Variants in MTMR2 observed in about 807,000 individuals in gnomAD.
The protein encoded by MTMR2 is myotubularin related protein 2.
A neutral mutation model predicts 86.9 loss-of-function variants in MTMR2; 55 were observed. That is an observed-to-expected ratio of 0.63 (90% CI 0.51 to 0.79). MTMR2 has a LOEUF of 0.79. Ranked by LOEUF, MTMR2 falls within the 30% of genes least tolerant of loss-of-function variation. The pLI is 0.00. For synonymous variants in MTMR2, 241 were observed against 266.8 expected (o/e 0.90, Z 0.94); for missense variants, 659 against 772.3 (o/e 0.85, Z 1.74).
chr11:95,877,331 CCTTTTTTTTTTTTTTTTTT>C (rs1865156996), intron 2 of MTMR2, among the ~76,000 whole-genome samples: 1 of 94,740 alleles, frequency 1.1e-5, no homozygotes, highest in Non-Finnish European at 2.0e-5. Context: ...ACAGGGAAGC[CCTTTTTTTTTTTTTTTTTT>C]TTTTTTTTTT....
chr11:95,915,618 A>T (rs1225798469), intron 1 of MTMR2, among the ~76,000 whole-genome samples: 1 of 152,214 alleles, frequency 6.6e-6, no homozygotes, highest in African/African-American at 2.4e-5. Flanking sequence ...AAGCATTCAT[A>T]AATTAAAATG....
chr11:95,917,827 T>A (rs1242824409), intron 1 of MTMR2, among the ~76,000 whole-genome samples: 1 of 152,116 alleles, frequency 6.6e-6, no homozygotes, highest in East Asian at 1.9e-4. Flanking sequence ...GTGTCAGGGG[T>A]GGCAGAAGCA....
At chr11:95,887,267 G>A (rs192376013) in intron 2 of MTMR2, among the ~76,000 whole-genome samples, 81 of 150,530 alleles carry the variant, frequency 5.4e-4, no homozygotes, top group African/African-American at 1.9e-3. Context: ...GCAGCCACAT[G>A]TTTGGAATAA....
At chr11:95,874,149 T>C (rs1414655493) in intron 2 of MTMR2, among the ~76,000 whole-genome samples, 1 of 152,188 alleles carries the variant, frequency 6.6e-6, no homozygotes, top group Non-Finnish European at 1.5e-5. Flanking sequence ...CTGGATATCC[T>C]TGTTAACTTT....
rs1341715590 is a variant in MTMR2, at chr11:95,844,950, TACTA to T, written c.1385_1386+2del. 1 of 1,609,134 alleles carries T rather than the reference TACTA, an allele frequency of 6.2e-7. No homozygotes were observed. The highest frequency in any genetic ancestry group is 1.3e-5 in the African/African-American group (1 of 74,896). Reference sequence around the variant, plus strand: ...ATATCCAAAGTCAAGGTTCCTTACTTACTAGTTGAAATCGATGTCCAAAACTTAG... The same window carrying T: ...ATATCCAAAGTCAAGGTTCCTTACTTGTTGAAATCGATGTCCAAAACTTAG... On this transcript the variant is annotated splice_donor_variant and coding_sequence_variant, in exon 11 of 15. Coordinates refer to ENST00000346299, the MANE Select transcript of MTMR2 (RefSeq NM_016156.6). LOFTEE classifies it high-confidence loss of function.
chr11:95,848,091 T>C (rs1863871918), intron 9 of MTMR2, among the ~76,000 whole-genome samples, 192 bp from the exon 10 acceptor site: 1 of 152,184 alleles, frequency 6.6e-6, no homozygotes, highest in Non-Finnish European at 1.5e-5. Context: ...CTTTACAAAA[T>C]GAATATATAC....
intron 1 of MTMR2, among the ~76,000 whole-genome samples, chr11:95,909,230 A>G (rs533878796): frequency 1.3e-5 from 2 of 151,996 alleles, no homozygotes; most frequent in African/African-American, 4.8e-5. Flanking sequence ...TGGGGGGGGA[A>G]AATTACTCTC....
At chr11:95,852,610 G>A (rs561386384) in intron 7 of MTMR2, among the ~76,000 whole-genome samples, 12 of 152,120 alleles carry the variant, frequency 7.9e-5, no homozygotes, top group African/African-American at 1.9e-4. Flanking sequence ...TCCTGATTTC[G>A]TTGACTTCAG....
chr11:95,912,103 T>TC (rs397972838), intron 1 of MTMR2, among the ~76,000 whole-genome samples: 6 of 131,956 alleles, frequency 4.5e-5, no homozygotes. Context: ...TTTTTTTTTT[T>TC]CAGTTACTAA....
At chr11:95,891,343 C>T (rs1379939139) in intron 1 of MTMR2, among the ~76,000 whole-genome samples, 2 of 151,588 alleles carry the variant, frequency 1.3e-5, no homozygotes, top group South Asian at 2.1e-4. Context: ...CCCAGCTACT[C>T]GGGAGGCTGA....
At chr11:95,878,716 A>G (rs1865214573) in intron 2 of MTMR2, among the ~76,000 whole-genome samples, 1 of 152,058 alleles carries the variant, frequency 6.6e-6, no homozygotes. Context: ...TTCTCCATCC[A>G]TAAGGACGAG....
At chr11:95,843,381 G>C (rs959949378) in intron 11 of MTMR2, among the ~76,000 whole-genome samples, 1 of 151,986 alleles carries the variant, frequency 6.6e-6, no homozygotes, top group Non-Finnish European at 1.5e-5. Context: ...ACCACACATG[G>C]GTAAAAGATC....
In MTMR2 at chr11:95,850,785, ATAAC is replaced by A. The variant is rs747696027; in HGVS notation, c.655-40_655-37del. 6 of 1,582,246 alleles carry A rather than the reference ATAAC, an allele frequency of 3.8e-6. No homozygotes were observed. The East Asian group carries it at 1.1e-4, about 30-fold the overall frequency. ...AATGAAACATAAGACAAATTACTAT[ATAAC>A]TAAAATATTAAACGACACCAGGACA... On this transcript the variant is annotated intron_variant, in intron 7 of 14. Transcript: ENST00000346299.
intron 7 of MTMR2, 117 bp from the exon 8 acceptor site, chr11:95,850,866 T>C (rs1863991645): frequency 1.2e-5 from 11 of 944,826 alleles, no homozygotes; most frequent in South Asian, 8.3e-5. Context: ...TCCTAAAGTG[T>C]TGGGATAGTT....
At chr11:95,876,278 A>G (rs948749463) in intron 2 of MTMR2, among the ~76,000 whole-genome samples, 9 of 152,134 alleles carry the variant, frequency 5.9e-5, no homozygotes, top group Non-Finnish European at 1.5e-5. Flanking sequence ...TATCTTCTTA[A>G]AATGGTGGTT....
At chr11:95,895,387 G>T (rs1340219792) in intron 1 of MTMR2, among the ~76,000 whole-genome samples, 2 of 151,616 alleles carry the variant, frequency 1.3e-5, no homozygotes, top group Non-Finnish European at 2.9e-5. Context: ...ACACACAAAG[G>T]GAAAAAAAGT....
intron 12 of MTMR2, among the ~76,000 whole-genome samples, chr11:95,838,828 G>A (rs890006715): frequency 6.6e-6 from 1 of 151,902 alleles, no homozygotes; most frequent in Admixed American, 6.6e-5. Flanking sequence ...CCAAGCCAGG[G>A]GCTTGACTGG....
Position 95,861,989 on chromosome 11 carries a change from T to C in MTMR2, c.468+3A>G. Reference sequence around the variant, plus strand: ...AAAATCACATACATATTATAACATTTACCTTACACACAGTTTCTAGTCCAT... The same window carrying C: ...AAAATCACATACATATTATAACATTCACCTTACACACAGTTTCTAGTCCAT... On this transcript the variant is annotated splice_donor_region_variant and intron_variant, in intron 5 of 14. Coordinates refer to ENST00000346299, the MANE Select transcript of MTMR2 (RefSeq NM_016156.6). 6.4e-7 allele frequency: 1 copy of C among 1,574,320 alleles called. No homozygotes were observed. The highest frequency in any genetic ancestry group is 1.1e-5 in the South Asian group (1 of 90,650).
intron 9 of MTMR2, among the ~76,000 whole-genome samples, chr11:95,849,006 G>A (rs1254113157): frequency 3.3e-5 from 5 of 152,242 alleles, no homozygotes; most frequent in Middle Eastern, 3.4e-3. Context: ...GTAGTGGCAT[G>A]GTTGTACAAC....
Sources: gnomAD v4.1 joint callset for allele counts (sites outside exome capture counted in the v4.1 genomes callset) on GRCh38, gnomAD v4.1.1 for gene constraint, MANE v1.5 for transcripts, NCBI Gene and HGNC (gene_info 2026-07-23, HGNC 2026-07-21) for gene names.